Variants in CPAMD8 observed in about 807,000 individuals in gnomAD.
The protein encoded by CPAMD8 is C3 and PZP like alpha-2-macroglobulin domain containing 8.
CPAMD8 carries 146 observed loss-of-function variants against 224.7 expected under a neutral mutation model. That is an observed-to-expected ratio of 0.65 (90% confidence interval 0.57 to 0.75). The LOEUF (loss-of-function observed/expected upper bound fraction) is 0.75, where lower values mean the gene tolerates loss of function less well. Ranked by LOEUF, CPAMD8 falls within the 30% of genes least tolerant of loss-of-function variation. The pLI is 0.00. For synonymous variants in CPAMD8, 966 were observed against 1,044.6 expected (o/e 0.92, Z 1.45); for missense variants, 2,301 against 2,537.5 (o/e 0.91, Z 2.00).
At chr19:16,959,977 G>A (rs1004309652) in intron 18 of CPAMD8, among the ~76,000 whole-genome samples, 3 of 152,120 alleles carry the variant, frequency 2.0e-5, no homozygotes, top group African/African-American at 7.2e-5. Context: ...TTAAACAGTC[G>A]TGCCTCCTCT....
At chr19:16,921,328 A>G (rs1427979824) in intron 27 of CPAMD8, among the ~76,000 whole-genome samples, 3 of 152,072 alleles carry the variant, frequency 2.0e-5, no homozygotes, top group Non-Finnish European at 1.5e-5. Context: ...CGATGGGTAC[A>G]GGAGTTGGAA....
chr19:16,911,181 G>A (rs1382294299), intron 29 of CPAMD8, among the ~76,000 whole-genome samples: 1 of 152,130 alleles, frequency 6.6e-6, no homozygotes, highest in African/African-American at 2.4e-5. Flanking sequence ...ACAGCAGGAG[G>A]TGAGTGACAG....
At chr19:16,947,930 CTGTGCATGGA>C (rs1212536495) in intron 20 of CPAMD8, among the ~76,000 whole-genome samples, 1 of 152,156 alleles carries the variant, frequency 6.6e-6, no homozygotes, top group African/African-American at 2.4e-5. Flanking sequence ...ATGTGCATGT[CTGTGCATGGA>C]TGTGCAAGTA....
intron 17 of CPAMD8, among the ~76,000 whole-genome samples, chr19:16,973,049 G>A (rs2055120553): frequency 6.6e-6 from 1 of 151,916 alleles, no homozygotes; most frequent in South Asian, 2.1e-4. Flanking sequence ...TGTGTCTGTG[G>A]TCCCAGCTAC....
chr19:16,918,073 G>A (rs2053028763), intron 27 of CPAMD8, among the ~76,000 whole-genome samples: 1 of 151,792 alleles, frequency 6.6e-6, no homozygotes, highest in South Asian at 2.1e-4. Flanking sequence ...TCGGCTCACT[G>A]CAATCTCTGC....
In CPAMD8 at chr19:16,929,145, T is replaced by C; in HGVS notation, c.2941A>G (p.Asn981Asp). Reference protein sequence around the residue: ...TRFDVAVRAHNDARVALSSGP... With the variant: ...TRFDVAVRAHDDARVALSSGP... The stretch of plus-strand genomic sequence containing the variant: ...GAAGACAAGGCCACACGGGCATCAT[T>C]GTGAGCTCGCACAGCCACATCAAAG... Residue 981 changes from asparagine (N) to aspartate (D), a missense_variant, in exon 24 of 42, where the codon AAT becomes GAT. Coordinates refer to ENST00000443236, the MANE Select transcript of CPAMD8 (RefSeq NM_015692.5). 6.2e-7 allele frequency: 1 copy of C among 1,614,134 alleles called. No individual in the cohort carries two copies. Among genetic ancestry groups the C allele is most frequent in the Non-Finnish European group, 8.5e-7 (1 of 1,179,994 alleles).
At chr19:16,904,176 A>AGGCCCCCCCCCCCC in intron 32 of CPAMD8, 50 bp downstream of exon 32, 1 of 937,336 alleles carries the variant, frequency 1.1e-6, no homozygotes, top group Non-Finnish European at 1.7e-6. Flanking sequence ...GACTGCAGGG[A>AGGCCCCCCCCCCCC]CCCCACCCAC....
chr19:16,969,883 A>C (rs909727666), intron 18 of CPAMD8, among the ~76,000 whole-genome samples: 59 of 150,426 alleles, frequency 3.9e-4, no homozygotes, highest in South Asian at 2.1e-4. Context: ...CAAAAAAAAA[A>C]AAAAAACAAA....
At chr19:16,933,039 T>C (rs57872728) in intron 23 of CPAMD8, among the ~76,000 whole-genome samples, 12,663 of 151,998 alleles carry the variant, frequency 0.083, 1,563 homozygotes, top group African/African-American at 0.27. Flanking sequence ...AATCCCAGCA[T>C]TTTGGGAGGC....
intron 22 of CPAMD8, among the ~76,000 whole-genome samples, chr19:16,943,592 A>C (rs183054535): frequency 7.9e-5 from 12 of 152,304 alleles, no homozygotes; most frequent in Non-Finnish European, 4.4e-5. Flanking sequence ...ACAGCTGAAT[A>C]ATATTCCATT....
At chr19:16,931,066 A>G (rs1398341966) in intron 23 of CPAMD8, among the ~76,000 whole-genome samples, 1 of 152,168 alleles carries the variant, frequency 6.6e-6, no homozygotes, top group Non-Finnish European at 1.5e-5. Context: ...CAGGGGCCAA[A>G]GCATGAGCAA....
At chr19:16,953,578 G>A (rs1466917130) in intron 19 of CPAMD8, among the ~76,000 whole-genome samples, 1 of 149,678 alleles carries the variant, frequency 6.7e-6, no homozygotes, top group Non-Finnish European at 1.5e-5. Context: ...GTGTGTACCT[G>A]TAGACCCAGC....
chr19:16,990,863 C>CAAAAAAAAAAAAAAAAA lies in CPAMD8; in HGVS notation c.1267-1109_1267-1093dup, dbSNP rs3067791. Among the ~76,000 whole-genome samples, 72 of 73,136 alleles carry CAAAAAAAAAAAAAAAAA rather than the reference C, an allele frequency of 9.8e-4. 2 individuals are homozygous for CAAAAAAAAAAAAAAAAA. Among genetic ancestry groups the CAAAAAAAAAAAAAAAAA allele is most frequent in the African/African-American group, 1.7e-3 (29 of 16,598 alleles). The allele number at this position is 73,136 out of a possible 152,430, so 48.0% of individuals were successfully genotyped here. A position where few individuals can be genotyped will look rare whatever the true frequency, so the allele number is the denominator to read the frequency against. Reference sequence around the variant, plus strand: ...GGGCAATAAGAGCAAAACTCTGTCTCAAAAAAAAAAAAAAAAAAAAAAAAA... The same window carrying CAAAAAAAAAAAAAAAAA: ...GGGCAATAAGAGCAAAACTCTGTCTCAAAAAAAAAAAAAAAAAAAAAAAAAAAAAAAAAAAAAAAAAA... On this transcript the variant is annotated intron_variant, in intron 12 of 41. Coordinates refer to ENST00000443236, the MANE Select transcript of CPAMD8 (RefSeq NM_015692.5).
At position 16,899,459 on chromosome 19, in the gene CPAMD8, C is replaced by A; in HGVS notation, c.4848+16G>T. On this transcript the variant is annotated intron_variant, in intron 37 of 41. Coordinates refer to ENST00000443236, the MANE Select transcript of CPAMD8 (RefSeq NM_015692.5). The surrounding 1 kb of genome is among the most constrained non-coding windows in gnomAD (Gnocchi z 5.4). Reference sequence around the variant, plus strand: ...ACACCAGGGAAGCCTCCTCCACCAACCCCGGCTGGTGGTACCTCATCAAAG... The same window carrying A: ...ACACCAGGGAAGCCTCCTCCACCAAACCCGGCTGGTGGTACCTCATCAAAG... 7.3e-7 allele frequency: 1 copy of A among 1,364,314 alleles called. No homozygotes were observed. Among genetic ancestry groups the A allele is most frequent in the South Asian group, 1.2e-5 (1 of 86,212 alleles). 84.5% of individuals were successfully genotyped at this position (1,364,314 alleles called of 1,614,324 possible).
Position 16,929,077 on chromosome 19 carries a change from C to T in CPAMD8, c.3009G>A (p.Gly1003=). 1 of 1,614,120 alleles carries T rather than the reference C, an allele frequency of 6.2e-7. No homozygotes were observed. The highest frequency in any genetic ancestry group is 8.5e-7 in the Non-Finnish European group (1 of 1,179,982). ...TCCATGACCTGGTGTTCTGATGCCC[C>T]CCCAGGACGATCTCGATCATGCCTG... ...DTAGMIEIVL[G]GHQNTRSWIS... The change falls in exon 24 of 42, where the codon GGG becomes GGA. Residue 1003 remains glycine, a synonymous_variant. Transcript: ENST00000443236.
intron 3 of CPAMD8, among the ~76,000 whole-genome samples, chr19:17,013,927 C>CCTCT (rs1199552921): frequency 6.7e-6 from 1 of 149,778 alleles, no homozygotes; most frequent in Non-Finnish European, 1.5e-5. Flanking sequence ...TCCCTCCCTC[C>CCTCT]CTCTCTCCCT....
chr19:16,968,975 A>T (rs572904674), intron 18 of CPAMD8, among the ~76,000 whole-genome samples: 2 of 152,308 alleles, frequency 1.3e-5, no homozygotes, highest in Admixed American at 1.3e-4. Flanking sequence ...CTGAAAAGTA[A>T]TTACTTTGTG....
chr19:16,970,497 A>T (rs1442841028), intron 18 of CPAMD8, among the ~76,000 whole-genome samples: 1 of 152,002 alleles, frequency 6.6e-6, no homozygotes, highest in Admixed American at 6.6e-5. Flanking sequence ...AGGCAGGAGA[A>T]TCACTTGAAC....
chr19:16,998,036 G>A (rs183918602), intron 10 of CPAMD8, among the ~76,000 whole-genome samples: 32 of 152,354 alleles, frequency 2.1e-4, no homozygotes, highest in Admixed American at 1.8e-3. Context: ...CCGTAAATGA[G>A]AGAACTAAGT....
Sources: gnomAD v4.1 joint callset for allele counts (sites outside exome capture counted in the v4.1 genomes callset) on GRCh38, gnomAD v4.1.1 for gene constraint, Gnocchi (gnomAD v3.1) non-coding constraint, MANE v1.5 for transcripts, NCBI Gene and HGNC (gene_info 2026-07-23, HGNC 2026-07-21) for gene names.